OSBP2: variants seen among roughly 807,000 people sequenced by gnomAD.
OSBP2 encodes the protein oxysterol binding protein 2, also known as oxysterol-binding protein 2.
Under a neutral mutation model 96.0 loss-of-function variants are expected in OSBP2, and 66 were observed. The observed-to-expected ratio is 0.69, with a 90% CI of 0.56 to 0.84. The LOEUF is 0.84. Among genes scored for constraint, OSBP2 ranks in the 40% least tolerant of loss-of-function variants. The pLI, the probability that OSBP2 is intolerant of heterozygous loss-of-function variation, is 0.00. For synonymous variants in OSBP2, 525 were observed against 520.9 expected (o/e 1.01, Z -0.11); for missense variants, 1,038 against 1,222.7 (o/e 0.85, Z 2.25).
chr22:30,902,139 CCAA>C lies in OSBP2; in HGVS notation c.2376-3697_2376-3695del, dbSNP rs1569176262. 2.2e-3 allele frequency: 146 copies of C among 66,660 alleles called. 2 individuals carry two copies. The highest frequency in any genetic ancestry group is 0.02 in the African/African-American group (132 of 6,738). The allele number at this position is 66,660 out of a possible 1,614,324, so 4.1% of individuals were successfully genotyped here. A position where few individuals can be genotyped will look rare whatever the true frequency, so the allele number is the denominator to read the frequency against. The stretch of plus-strand genomic sequence containing the variant: ...AAAAAAAAAAACGAAAAAAAAAAAA[CCAA>C]AAAAAAAAAACAGAGGGTCCCACGG... On this transcript the variant is annotated intron_variant, in intron 12 of 13. Coordinates refer to ENST00000332585, the MANE Select transcript of OSBP2 (RefSeq NM_030758.4).
intron 2 of OSBP2, among the ~76,000 whole-genome samples, chr22:30,770,062 G>A (rs1474525751): frequency 6.6e-6 from 1 of 151,406 alleles, no homozygotes; most frequent in Non-Finnish European, 1.5e-5. Context: ...TGCCATGTAC[G>A]ATGTGAATTT....
At chr22:30,810,283 G>A (rs924214659) in intron 2 of OSBP2, among the ~76,000 whole-genome samples, 4 of 152,118 alleles carry the variant, frequency 2.6e-5, no homozygotes, top group Non-Finnish European at 5.9e-5. Flanking sequence ...TGTGACTCAG[G>A]TCTTCCACAG....
At position 30,893,604 on chromosome 22, in the gene OSBP2, G is replaced by C. The variant is rs202179339; in HGVS notation, c.2095-34G>C. The C allele has an allele frequency of 1.9e-6, 3 of 1,613,120 alleles. No individual in the cohort carries two copies. The East Asian group carries it at 6.7e-5, about 36-fold the overall frequency. On this transcript the variant is annotated intron_variant, in intron 10 of 13. Coordinates refer to ENST00000332585, the MANE Select transcript of OSBP2 (RefSeq NM_030758.4). ...CTTGGGGAGGGGGTGCATGGCCCGG[G>C]GGCTGGCCGCTGACCACTGCCCTCC...
intron 2 of OSBP2, among the ~76,000 whole-genome samples, chr22:30,845,636 C>A (rs1445215424): frequency 1.3e-5 from 2 of 151,362 alleles, no homozygotes; most frequent in Non-Finnish European, 2.9e-5. Flanking sequence ...GTAATCCCAA[C>A]ACTTTGGGAG....
chr22:30,854,306 CTTTTTT>C (rs10618386), intron 2 of OSBP2, among the ~76,000 whole-genome samples: 4 of 103,016 alleles, frequency 3.9e-5, no homozygotes, highest in East Asian at 2.8e-4. Flanking sequence ...ATACAGTTAT[CTTTTTT>C]TTTTTTTTTT....
At chr22:30,866,627 C>T (rs921740952) in intron 2 of OSBP2, among the ~76,000 whole-genome samples, 7 of 152,184 alleles carry the variant, frequency 4.6e-5, no homozygotes, top group Admixed American at 1.3e-4. Context: ...ATGCCAGCTA[C>T]TCAGGAGGCT....
intron 2 of OSBP2, among the ~76,000 whole-genome samples, chr22:30,812,999 C>G (rs1260303637): frequency 1.3e-5 from 2 of 151,986 alleles, no homozygotes; most frequent in African/African-American, 4.8e-5. Context: ...ATGGTTATTT[C>G]TCCTTTGTTG....
rs1319929495 is a variant in OSBP2, at chr22:30,881,105, C to T, written c.1108-6321C>T. Among the ~76,000 whole-genome samples, 2 of 152,278 alleles carry T rather than the reference C, an allele frequency of 1.3e-5. No individual in the cohort carries two copies. Among genetic ancestry groups the T allele is most frequent in the Middle Eastern group, 3.4e-3 (1 of 294 alleles). ...AGGCTCCCTGCCCTCCCCATGGAGA[C>T]AGGACCACACTGCCCAGGGGCTCTG... On this transcript the variant is annotated intron_variant, in intron 3 of 13. Coordinates refer to ENST00000332585, the MANE Select transcript of OSBP2 (RefSeq NM_030758.4). The surrounding 1 kb of genome is among the most constrained non-coding windows in gnomAD (Gnocchi z 4.5).
chr22:30,695,582 G>T (rs779505616), intron 1 of OSBP2, 29 bp downstream of exon 1: 153 of 1,580,640 alleles, frequency 9.7e-5, no homozygotes, highest in Middle Eastern at 6.7e-4. Flanking sequence ...GGGACATGGG[G>T]GTTGGAGGGT....
At chr22:30,894,100 A>G in intron 12 of OSBP2, 99 bp downstream of exon 12, 1 of 982,862 alleles carries the variant, frequency 1.0e-6, no homozygotes, top group Non-Finnish European at 1.5e-6. Context: ...GGGAGGGTTC[A>G]GTCCACACAT....
chr22:30,755,498 C>G (rs906178137), intron 2 of OSBP2, among the ~76,000 whole-genome samples: 1 of 152,108 alleles, frequency 6.6e-6, no homozygotes, highest in African/African-American at 2.4e-5. Context: ...ATCAGGCAAC[C>G]CCAGGACCGT....
intron 2 of OSBP2, among the ~76,000 whole-genome samples, chr22:30,836,188 CT>C (rs763968520): frequency 5.9e-5 from 9 of 152,134 alleles, no homozygotes; most frequent in Admixed American, 2.6e-4. Flanking sequence ...ATTTTTTCCC[CT>C]GCTTTAGTAC....
At chr22:30,783,288 T>C (rs1020591677) in intron 2 of OSBP2, among the ~76,000 whole-genome samples, 1 of 141,626 alleles carries the variant, frequency 7.1e-6, no homozygotes, top group Non-Finnish European at 1.5e-5. Context: ...AGGCAGGGAG[T>C]CTCATTCAGA....
At chr22:30,725,540 A>G (rs1174077884) in intron 1 of OSBP2, among the ~76,000 whole-genome samples, 4 of 138,172 alleles carry the variant, frequency 2.9e-5, no homozygotes, top group Non-Finnish European at 6.4e-5. Flanking sequence ...AAACAAAAAC[A>G]AAAACAAAAA....
chr22:30,836,095 T>C (rs892292163), intron 2 of OSBP2, among the ~76,000 whole-genome samples: 2 of 152,202 alleles, frequency 1.3e-5, no homozygotes, highest in African/African-American at 4.8e-5. Flanking sequence ...TCTCCTCTGA[T>C]CCACTCTACC....
chr22:30,835,745 A>T, intron 2 of OSBP2, among the ~76,000 whole-genome samples: 1 of 149,396 alleles, frequency 6.7e-6, no homozygotes. Context: ...TTTAAGATAC[A>T]AAGTCTCATT....
At chr22:30,828,362 G>A (rs1261309090) in intron 2 of OSBP2, among the ~76,000 whole-genome samples, 1 of 152,182 alleles carries the variant, frequency 6.6e-6, no homozygotes, top group Non-Finnish European at 1.5e-5. Context: ...CAGCCCAGAG[G>A]GGCTGGGAGT....
intron 2 of OSBP2, among the ~76,000 whole-genome samples, chr22:30,826,083 G>T (rs1855559216): frequency 6.6e-6 from 1 of 152,136 alleles, no homozygotes; most frequent in Non-Finnish European, 1.5e-5. Context: ...GGAATGTTCT[G>T]AGGGGTTATT....
intron 2 of OSBP2, among the ~76,000 whole-genome samples, chr22:30,848,376 T>C (rs574943956): frequency 1.3e-5 from 2 of 152,332 alleles, no homozygotes; most frequent in East Asian, 1.9e-4. Flanking sequence ...TGTATGTCTG[T>C]AGGATAAATG....
Sources: gnomAD v4.1 joint callset for allele counts (sites outside exome capture counted in the v4.1 genomes callset) on GRCh38, gnomAD v4.1.1 for gene constraint, Gnocchi (gnomAD v3.1) non-coding constraint, MANE v1.5 for transcripts, NCBI Gene and HGNC (gene_info 2026-07-23, HGNC 2026-07-21) for gene names.